NDST4: variants seen among roughly 807,000 people sequenced by gnomAD.
NDST4 encodes the protein N-heparan sulfate sulfotransferase 4.
NDST4 carries 63 observed loss-of-function variants against 100.8 expected under a neutral mutation model. The observed-to-expected ratio is 0.62, with a 90% CI of 0.51 to 0.77. NDST4 has a LOEUF of 0.77. Among genes scored for constraint, NDST4 ranks in the 30% least tolerant of loss-of-function variants. The pLI is 0.00. For synonymous variants in NDST4, 377 were observed against 361.8 expected, an observed-to-expected ratio of 1.04 and a Z score of -0.48; for missense variants, 943 against 1,018.4, an observed-to-expected ratio of 0.93 and a Z score of 1.01.
At chr4:115,100,456 A>G (rs893664374) in intron 1 of NDST4, among the ~76,000 whole-genome samples, 2 of 152,040 alleles carry the variant, frequency 1.3e-5, no homozygotes, top group Non-Finnish European at 2.9e-5. Context: ...GGAATCTTAA[A>G]GTGCTCTAAA....
chr4:115,037,880 A>G (rs141898822), intron 2 of NDST4, among the ~76,000 whole-genome samples: 1 of 152,312 alleles, frequency 6.6e-6, no homozygotes, highest in Middle Eastern at 3.4e-3. Context: ...TAAATATTTG[A>G]AAAGAGTAGC....
intron 6 of NDST4, among the ~76,000 whole-genome samples, chr4:114,889,802 TG>T (rs1462324267): frequency 6.6e-6 from 1 of 152,186 alleles, no homozygotes; most frequent in African/African-American, 2.4e-5. Flanking sequence ...GTTTTCTAAC[TG>T]TTGGCTATGG....
At chr4:114,877,324 T>C (rs1724276735) in intron 6 of NDST4, among the ~76,000 whole-genome samples, 1 of 152,328 alleles carries the variant, frequency 6.6e-6, no homozygotes. Context: ...ATCACTTACA[T>C]ATTTTTACTT....
chr4:115,060,707 C>A (rs1728801389), intron 2 of NDST4, among the ~76,000 whole-genome samples: 1 of 151,472 alleles, frequency 6.6e-6, no homozygotes, highest in Non-Finnish European at 1.5e-5. Context: ...ACCTTTTTTT[C>A]TAGCAGCAGT....
intron 2 of NDST4, among the ~76,000 whole-genome samples, chr4:115,001,872 C>T (rs1222879658): frequency 1.3e-5 from 2 of 152,156 alleles, no homozygotes; most frequent in African/African-American, 2.4e-5. Flanking sequence ...GTATTATAAT[C>T]ATGCCTAAAG....
At chr4:114,846,633 C>A (rs1723554977) in intron 9 of NDST4, among the ~76,000 whole-genome samples, 1 of 152,136 alleles carries the variant, frequency 6.6e-6, no homozygotes, top group African/African-American at 2.4e-5. Context: ...TCAAAACGTT[C>A]CTCTGCGTGT....
chr4:114,974,288 AC>A (rs60157632), intron 3 of NDST4, among the ~76,000 whole-genome samples: 8,673 of 151,162 alleles, frequency 0.057, 652 homozygotes, highest in African/African-American at 0.17. Flanking sequence ...TATGCAAAAA[AC>A]AAAAAATCAC....
intron 2 of NDST4, among the ~76,000 whole-genome samples, chr4:115,022,374 T>TACATATGTGTTCCAC (rs1560570015): frequency 1.8e-4 from 11 of 62,464 alleles, no homozygotes; most frequent in East Asian, 1.7e-3. Context: ...ATGTGTTCCA[T>TACATATGTGTTCCAC]GTACATATGT....
intron 10 of NDST4, among the ~76,000 whole-genome samples, chr4:114,844,089 C>T (rs2126185291): frequency 6.8e-6 from 1 of 146,438 alleles, no homozygotes; most frequent in South Asian, 2.1e-4. Context: ...ACACTATGTT[C>T]TCACCAAATT....
intron 2 of NDST4, among the ~76,000 whole-genome samples, chr4:115,043,406 G>T (rs1325215273): frequency 1.3e-5 from 2 of 152,022 alleles, no homozygotes; most frequent in Admixed American, 1.3e-4. Flanking sequence ...TGTTTATCCA[G>T]CTCATTGGCA....
rs771486211 is a variant in NDST4 at position 114,846,047 on chromosome 4, C to T, written c.1941-50G>A. ...TTAATCTGAAAATAATTTTTCTTGC[C>T]ATATTCTGAATGTGAAATAATTGGA... On this transcript the variant is annotated intron_variant, in intron 9 of 13. Transcript: ENST00000264363. 6.5e-6 allele frequency: 9 copies of T among 1,381,824 alleles called. No homozygotes were observed. The African/African-American group carries it at 1.2e-4, about 18-fold the overall frequency. The allele number at this position is 1,381,824 out of a possible 1,614,324, so 85.6% of individuals were successfully genotyped here.
At chr4:114,899,236 G>T (rs1724782777) in intron 6 of NDST4, among the ~76,000 whole-genome samples, 1 of 152,140 alleles carries the variant, frequency 6.6e-6, no homozygotes, top group African/African-American at 2.4e-5. Flanking sequence ...GGAGTGCAGT[G>T]GCACAATCTG....
chr4:115,031,849 T>A (rs986534985), intron 2 of NDST4, among the ~76,000 whole-genome samples: 1 of 152,128 alleles, frequency 6.6e-6, no homozygotes, highest in Admixed American at 6.6e-5. Context: ...TGTGTCAGCA[T>A]CTAATGCCAT....
At chr4:114,932,492 C>T (rs1725536049) in intron 6 of NDST4, among the ~76,000 whole-genome samples, 2 of 151,546 alleles carry the variant, frequency 1.3e-5, no homozygotes, top group Non-Finnish European at 3.0e-5. Flanking sequence ...AAAGTTCTAG[C>T]CAGAGAAACT....
intron 2 of NDST4, among the ~76,000 whole-genome samples, chr4:115,037,613 T>A (rs923010503): frequency 6.6e-6 from 1 of 152,158 alleles, no homozygotes; most frequent in African/African-American, 2.4e-5. Context: ...CTTTTCTTTA[T>A]GTATTTTCAG....
chr4:114,960,773 G>T (rs1184456587), intron 4 of NDST4, among the ~76,000 whole-genome samples: 1 of 152,098 alleles, frequency 6.6e-6, no homozygotes, highest in Non-Finnish European at 1.5e-5. Context: ...CCATATTGAA[G>T]TAAGGAAGTA....
At chr4:115,089,919 A>G (rs1054484534) in intron 1 of NDST4, among the ~76,000 whole-genome samples, 3 of 151,738 alleles carry the variant, frequency 2.0e-5, no homozygotes, top group Non-Finnish European at 2.9e-5. Flanking sequence ...TTATATTAAT[A>G]TTGGTATATG....
intron 11 of NDST4, among the ~76,000 whole-genome samples, chr4:114,835,671 T>C (rs1723291861): frequency 1.3e-5 from 2 of 152,200 alleles, no homozygotes; most frequent in Non-Finnish European, 2.9e-5. Context: ...CTGGATATCC[T>C]TGTTAATTTT....
intron 7 of NDST4, among the ~76,000 whole-genome samples, chr4:114,862,931 T>A (rs184155731): frequency 6.6e-6 from 1 of 152,172 alleles, no homozygotes; most frequent in African/African-American, 2.4e-5. Context: ...TATAGGCAGA[T>A]TGTCTTTTTT....
Sources: gnomAD v4.1 joint callset for allele counts (sites outside exome capture counted in the v4.1 genomes callset) on GRCh38, gnomAD v4.1.1 for gene constraint, MANE v1.5 for transcripts, NCBI Gene and HGNC (gene_info 2026-07-23, HGNC 2026-07-21) for gene names.